Variants in ZPLD1 observed in about 807,000 individuals in gnomAD.
ZPLD1 encodes zona pellucida like domain containing 1.
ZPLD1 carries 34 observed loss-of-function variants against 47.2 expected under a neutral mutation model. That is an observed-to-expected ratio of 0.72 (90% CI 0.55 to 0.96). The LOEUF (loss-of-function observed/expected upper bound fraction) is 0.96. Among genes scored for constraint, ZPLD1 ranks in the 40% least tolerant of loss-of-function variants. The probability of loss-of-function intolerance (pLI) is 0.00; values close to 1 mark genes in which losing one functional copy is unlikely to be tolerated. For synonymous variants in ZPLD1, 176 were observed against 186.2 expected, an observed-to-expected ratio of 0.95 and a Z score of 0.45; for missense variants, 512 against 505.8, an observed-to-expected ratio of 1.01 and a Z score of -0.12.
chr3:102,425,238 G>A (rs1706929765), intron 8 of ZPLD1, among the ~76,000 whole-genome samples: 1 of 152,034 alleles, frequency 6.6e-6, no homozygotes, highest in South Asian at 2.1e-4. Context: ...GTATTTCTGG[G>A]TGACATCTTT....
chr3:102,435,073 G>A lies in ZPLD1; in HGVS notation c.-204G>A, dbSNP rs539097445. ...CAATTCAATTTCAGAAAAGTATTTAGGGACTGTGCTAAAATAGCATCTCCA... is the reference window on the plus strand; with the variant it reads ...CAATTCAATTTCAGAAAAGTATTTAAGGACTGTGCTAAAATAGCATCTCCA... On this transcript the variant is annotated 5_prime_UTR_variant, in exon 1 of 12. Transcript: ENST00000466937. 1.8e-5 allele frequency: 29 copies of A among 1,611,046 alleles called. No homozygotes were observed. The highest frequency in any genetic ancestry group is 6.7e-5 in the Admixed American group (4 of 60,002).
chr3:102,401,464 A>G (rs541604582), intron 7 of ZPLD1, among the ~76,000 whole-genome samples: 1 of 152,148 alleles, frequency 6.6e-6, no homozygotes, highest in South Asian at 2.1e-4. Flanking sequence ...TCTCCTCTGA[A>G]TTTCTCACAG....
chr3:102,439,896 T>C (rs774203155), intron 3 of ZPLD1, among the ~76,000 whole-genome samples: 3 of 152,244 alleles, frequency 2.0e-5, no homozygotes, highest in Non-Finnish European at 4.4e-5. Flanking sequence ...ATATCTTTTA[T>C]TTCATTTTGT....
At chr3:102,469,784 G>A (rs1707653444) in intron 9 of ZPLD1, among the ~76,000 whole-genome samples, 2 of 152,212 alleles carry the variant, frequency 1.3e-5, no homozygotes, top group South Asian at 4.2e-4. Flanking sequence ...TGAAAGGTGT[G>A]CATCTGTATT....
At chr3:102,408,437 A>T (rs138792449) in intron 7 of ZPLD1, among the ~76,000 whole-genome samples, 1,555 of 151,998 alleles carry the variant, frequency 0.01, 11 homozygotes, top group Middle Eastern at 0.031. Context: ...TCAAACAGAA[A>T]CATTAGCCAT....
intron 7 of ZPLD1, 35 bp from the exon 8 acceptor site, chr3:102,464,136 C>T (rs1298842836): frequency 6.8e-7 from 1 of 1,476,966 alleles, no homozygotes. Flanking sequence ...AAAGGAAATT[C>T]TGACTCTAGA....
At chr3:102,435,180 A>G in intron 1 of ZPLD1, 26 bp downstream of exon 1, 1 of 1,613,514 alleles carries the variant, frequency 6.2e-7, no homozygotes, top group Non-Finnish European at 8.5e-7. Flanking sequence ...GGAAATTTGC[A>G]AGATAATAGT....
intron 7 of ZPLD1, among the ~76,000 whole-genome samples, chr3:102,403,041 C>T (rs1706639811): frequency 6.6e-6 from 1 of 151,936 alleles, no homozygotes; most frequent in South Asian, 2.1e-4. Context: ...CTGCCCACTT[C>T]CCACCCCTAC....
At chr3:102,421,230 A>G (rs1706875226) in intron 8 of ZPLD1, among the ~76,000 whole-genome samples, 1 of 151,916 alleles carries the variant, frequency 6.6e-6, no homozygotes. Flanking sequence ...TCTCAGTTGA[A>G]CACACCATCA....
At chr3:102,439,205 C>G (rs904143371) in intron 3 of ZPLD1, among the ~76,000 whole-genome samples, 1 of 152,216 alleles carries the variant, frequency 6.6e-6, no homozygotes, top group Non-Finnish European at 1.5e-5. Flanking sequence ...AATGGAACCA[C>G]AGTTCAACAT....
intron 10 of ZPLD1, among the ~76,000 whole-genome samples, chr3:102,474,387 G>C (rs972491003): frequency 1.3e-5 from 2 of 152,116 alleles, no homozygotes; most frequent in Admixed American, 6.6e-5. Flanking sequence ...TAATTCATTT[G>C]AGCATACTTG....
At chr3:102,405,801 G>A (rs1706674713) in intron 7 of ZPLD1, among the ~76,000 whole-genome samples, 1 of 151,894 alleles carries the variant, frequency 6.6e-6, no homozygotes, top group South Asian at 2.1e-4. Flanking sequence ...CCTGGATTGG[G>A]GGTGAGATGG....
At chr3:102,391,049 C>T (rs547125353) in intron 6 of ZPLD1, among the ~76,000 whole-genome samples, 2 of 152,190 alleles carry the variant, frequency 1.3e-5, no homozygotes, top group African/African-American at 4.8e-5. Context: ...TTAACACATG[C>T]TTTGCTTTTG....
At chr3:102,435,226 AG>A in intron 1 of ZPLD1, 72 bp downstream of exon 1, 1 of 1,550,524 alleles carries the variant, frequency 6.4e-7, no homozygotes, top group Non-Finnish European at 8.9e-7. Context: ...TGAACTATAA[AG>A]AAGGCTTGAA....
chr3:102,477,578 G>A lies in ZPLD1; in HGVS notation c.1208G>A (p.Ser403Asn). ...LALLHRKGPT[S>N]LVLNGIRNPV... is the part of the protein sequence containing the mutation. ...CTTCTGCACAGGAAGGGACCCACAA[G>A]TTTAGTGTTGAATGGCATAAGAAAC... The change falls in exon 12 of 12, where the codon AGT becomes AAT. Residue 403 changes from serine to asparagine, a missense_variant. Physicochemically the swap from Ser to Asn is conservative, Grantham distance 46 (BLOSUM62 1). Coordinates refer to ENST00000466937, the MANE Select transcript of ZPLD1 (RefSeq NM_001329788.2). 1 of 1,613,472 alleles carries A rather than the reference G, an allele frequency of 6.2e-7. No individual in the cohort carries two copies. The highest frequency in any genetic ancestry group is 8.5e-7 in the Non-Finnish European group (1 of 1,179,656).
intron 3 of ZPLD1, among the ~76,000 whole-genome samples, chr3:102,440,638 T>C (rs1243335764): frequency 6.6e-6 from 1 of 150,788 alleles, no homozygotes; most frequent in Non-Finnish European, 1.5e-5. Flanking sequence ...TGTATGAGAG[T>C]TTATTCCCTG....
chr3:102,457,210 T>C (rs907359978), intron 5 of ZPLD1, among the ~76,000 whole-genome samples: 4 of 152,186 alleles, frequency 2.6e-5, no homozygotes, highest in Admixed American at 6.5e-5. Flanking sequence ...AGCACAGTAA[T>C]GATAAGCACC....
intron 3 of ZPLD1, among the ~76,000 whole-genome samples, chr3:102,439,233 G>A (rs1297004870): frequency 6.6e-6 from 1 of 152,210 alleles, no homozygotes; most frequent in Non-Finnish European, 1.5e-5. Context: ...ATAAATATTA[G>A]GTAATTGGAA....
chr3:102,468,735 T>C (rs1313494010), intron 8 of ZPLD1, among the ~76,000 whole-genome samples: 1 of 152,036 alleles, frequency 6.6e-6, no homozygotes, highest in African/African-American at 2.4e-5. Flanking sequence ...GTATAATTCT[T>C]CTAACTATTA....
Sources: allele counts gnomAD v4.1 joint callset (sites outside exome capture counted in the v4.1 genomes callset), GRCh38; gene constraint gnomAD v4.1.1; transcripts MANE v1.5; gene names NCBI Gene and HGNC (gene_info 2026-07-23, HGNC 2026-07-21).